PIP5K1B: variants seen among roughly 807,000 people sequenced by gnomAD.
The protein encoded by PIP5K1B is phosphatidylinositol 4-phosphate 5-kinase type-1 beta.
A neutral mutation model predicts 67.0 loss-of-function variants in PIP5K1B; 42 were observed. The ratio of observed to expected loss-of-function variants is 0.63; its 90% CI spans 0.49 to 0.81. PIP5K1B has a LOEUF of 0.81. PIP5K1B is among the 30% of genes least tolerant of loss of function. The pLI, the probability that PIP5K1B is intolerant of heterozygous loss-of-function variation, is 0.00. For synonymous variants in PIP5K1B, 214 were observed against 231.4 expected, an observed-to-expected ratio of 0.92 and a Z score of 0.68; for missense variants, 459 against 646.3, an observed-to-expected ratio of 0.71 and a Z score of 3.14.
intron 6 of PIP5K1B, among the ~76,000 whole-genome samples, chr9:68,880,513 C>T (rs1004669456): frequency 6.6e-6 from 1 of 151,058 alleles, no homozygotes; most frequent in Admixed American, 6.6e-5. Flanking sequence ...TAAGATTGTA[C>T]CACTGCACTC....
intron 14 of PIP5K1B, among the ~76,000 whole-genome samples, chr9:68,968,896 G>T (rs1415352368): frequency 6.6e-6 from 1 of 152,064 alleles, no homozygotes; most frequent in Non-Finnish European, 1.5e-5. Context: ...TGTCTTGCCT[G>T]TGTCATGCTG....
At chr9:68,965,092 C>T (rs149437062) in intron 14 of PIP5K1B, among the ~76,000 whole-genome samples, 3 of 152,312 alleles carry the variant, frequency 2.0e-5, no homozygotes, top group East Asian at 1.9e-4. Flanking sequence ...TAGAAGCTTT[C>T]GAATTAGAAT....
chr9:68,940,740 A>G lies in PIP5K1B; in HGVS notation c.1452A>G (p.Leu484=). 3.1e-6 allele frequency: 5 copies of G among 1,613,924 alleles called. No individual in the cohort carries two copies. Among genetic ancestry groups the G allele is most frequent in the Non-Finnish European group, 4.2e-6 (5 of 1,179,856 alleles). ...CAACCACAATTTCATCTTCTTCCTT[A>G]TACGTCAATGAGCACTATCCACACG... ...SLATTISSSS[L]YVNEHYPHDR... Residue 484 remains leucine (L), a synonymous_variant, in exon 14 of 16, where the codon TTA becomes TTG. Transcript: ENST00000265382.
chr9:68,876,142 A>T (rs1381110078), intron 5 of PIP5K1B, among the ~76,000 whole-genome samples: 1 of 152,194 alleles, frequency 6.6e-6, no homozygotes, highest in Non-Finnish European at 1.5e-5. Context: ...CAGGTTTTAA[A>T]TTTTTTAAAT....
At chr9:68,768,866 T>C (rs1432735594) in intron 2 of PIP5K1B, among the ~76,000 whole-genome samples, 1 of 152,202 alleles carries the variant, frequency 6.6e-6, no homozygotes, top group Non-Finnish European at 1.5e-5. Flanking sequence ...GTTATCTATC[T>C]GTTGTTGGCC....
chr9:68,875,909 A>G (rs962585906), intron 5 of PIP5K1B, among the ~76,000 whole-genome samples: 1 of 152,228 alleles, frequency 6.6e-6, no homozygotes. Flanking sequence ...ATAAACATCA[A>G]CATTTAGGCC....
At chr9:68,827,167 T>C (rs1834030793) in intron 4 of PIP5K1B, among the ~76,000 whole-genome samples, 1 of 152,156 alleles carries the variant, frequency 6.6e-6, no homozygotes. Flanking sequence ...TTTGTTGGCA[T>C]TACAGGAGAG....
intron 2 of PIP5K1B, among the ~76,000 whole-genome samples, chr9:68,798,550 T>C (rs1832417108): frequency 6.6e-6 from 1 of 150,966 alleles, no homozygotes; most frequent in African/African-American, 2.4e-5. Context: ...CCAGGGAGAA[T>C]CATCATGGGC....
At chr9:68,903,254 G>A (rs1825453000) in intron 8 of PIP5K1B, among the ~76,000 whole-genome samples, 2 of 152,150 alleles carry the variant, frequency 1.3e-5, no homozygotes, top group South Asian at 2.1e-4. Context: ...CTAGGAAATA[G>A]CAACAGCAAA....
intron 1 of PIP5K1B, among the ~76,000 whole-genome samples, chr9:68,729,984 A>T (rs1828342973): frequency 6.6e-6 from 1 of 152,186 alleles, no homozygotes; most frequent in South Asian, 2.1e-4. Flanking sequence ...AAAGGCTAAA[A>T]ATGACTTCGA....
chr9:68,979,689 G>C (rs193241128), intron 14 of PIP5K1B, among the ~76,000 whole-genome samples: 6 of 152,316 alleles, frequency 3.9e-5, no homozygotes, highest in Admixed American at 3.9e-4. Flanking sequence ...CACACTGTTT[G>C]AGTCTCTTCC....
At chr9:68,783,520 T>C (rs999917615) in intron 2 of PIP5K1B, 1 of 166,978 alleles carries the variant, frequency 6.0e-6, no homozygotes, top group African/African-American at 2.4e-5. Context: ...CACAGATAAC[T>C]TCTGTTAACA....
Position 68,996,816 on chromosome 9 carries a change from CT to C in PIP5K1B, c.1620+5565del, listed in dbSNP as rs942503391. ...GGGTAAGTGGGAGATAATGGGATTG[CT>C]TTTTTAATAATATAGAAGTTTGAAA... On this transcript the variant is annotated intron_variant, in intron 15 of 15. Coordinates refer to ENST00000265382, the MANE Select transcript of PIP5K1B (RefSeq NM_003558.4). Among the ~76,000 whole-genome samples, 140 of 152,234 alleles carry C rather than the reference CT, an allele frequency of 9.2e-4. 1 individual carries two copies. The highest frequency in any genetic ancestry group is 1.5e-3 in the Non-Finnish European group (101 of 68,012).
chr9:68,889,204 G>T, intron 7 of PIP5K1B, 71 bp downstream of exon 7: 2 of 1,126,626 alleles, frequency 1.8e-6, no homozygotes, highest in East Asian at 2.4e-5. Context: ...TTTTTCTGTT[G>T]TTTTTTTCAG....
chr9:68,835,911 C>T (rs1381618359), intron 4 of PIP5K1B, among the ~76,000 whole-genome samples: 1 of 150,404 alleles, frequency 6.6e-6, no homozygotes, highest in African/African-American at 2.5e-5. Flanking sequence ...TACCATCTCT[C>T]AGTGTCTGAT....
chr9:68,917,398 GT>G (rs1428689653), intron 8 of PIP5K1B, 149 bp from the exon 9 acceptor site: 4 of 680,308 alleles, frequency 5.9e-6, no homozygotes, highest in African/African-American at 1.8e-5. Context: ...AACCTCAAGT[GT>G]TTTTATTTTG....
intron 8 of PIP5K1B, among the ~76,000 whole-genome samples, chr9:68,909,773 A>G (rs1564224563): frequency 6.6e-6 from 1 of 152,148 alleles, no homozygotes; most frequent in Admixed American, 6.5e-5. Context: ...CCTCATCAGG[A>G]GGCACATCAT....
intron 8 of PIP5K1B, among the ~76,000 whole-genome samples, chr9:68,902,727 A>G (rs554769189): frequency 1.3e-5 from 2 of 152,342 alleles, no homozygotes; most frequent in South Asian, 2.1e-4. Flanking sequence ...CATTTCCACC[A>G]GCAGTGGATG....
At chr9:68,872,958 C>G (rs1823700188) in intron 5 of PIP5K1B, among the ~76,000 whole-genome samples, 1 of 152,196 alleles carries the variant, frequency 6.6e-6, no homozygotes, top group South Asian at 2.1e-4. Flanking sequence ...TGGACAAATG[C>G]TAGTTTATCC....
Sources: gnomAD v4.1 joint callset for allele counts (sites outside exome capture counted in the v4.1 genomes callset) on GRCh38, gnomAD v4.1.1 for gene constraint, MANE v1.5 for transcripts, NCBI Gene and HGNC (gene_info 2026-07-23, HGNC 2026-07-21) for gene names.